Variants in UBOX5 observed in about 807,000 individuals in gnomAD.
UBOX5 encodes U-box domain containing 5, also known as RING finger protein 37.
UBOX5 carries 28 observed loss-of-function variants against 39.0 expected under a neutral mutation model. The observed-to-expected ratio is 0.72, with a 90% CI of 0.53 to 0.98. UBOX5 has a LOEUF of 0.98. Among genes scored for constraint, UBOX5 ranks in the 50% least tolerant of loss-of-function variants. The pLI, the probability that UBOX5 is intolerant of heterozygous loss-of-function variation, is 0.00. For missense variants in UBOX5, 585 were observed against 674.4 expected (o/e 0.87, Z 1.47); for synonymous variants, 283 against 275.5 (o/e 1.03, Z -0.27).
In UBOX5 at chr20:3,121,366, C is replaced by T. The variant is rs780753090; in HGVS notation, c.1255+18G>A. 4 of 1,591,290 alleles carry T rather than the reference C, an allele frequency of 2.5e-6. No homozygotes were observed. Among genetic ancestry groups the T allele is most frequent in the Non-Finnish European group, 3.4e-6 (4 of 1,167,886 alleles). ...GGAGATGGATGAGCCTGGCTGCGGACACAGGATGCTGAATTACCTGTCGAG... is the reference window on the plus strand; with the variant it reads ...GGAGATGGATGAGCCTGGCTGCGGATACAGGATGCTGAATTACCTGTCGAG... On this transcript the variant is annotated intron_variant, in intron 3 of 4. Transcript: ENST00000217173.
intron 3 of UBOX5, among the ~76,000 whole-genome samples, chr20:3,117,236 A>T (rs1412563140): frequency 6.6e-6 from 1 of 152,042 alleles, no homozygotes; most frequent in Non-Finnish European, 1.5e-5. Context: ...AAAAAATTCT[A>T]AATTCTTTCT....
intron 1 of UBOX5, among the ~76,000 whole-genome samples, chr20:3,153,272 T>G (rs1213208728): frequency 6.6e-6 from 1 of 152,234 alleles, no homozygotes; most frequent in Non-Finnish European, 1.5e-5. Context: ...TGTTTTGAAT[T>G]CATGTGACAC....
chr20:3,149,007 A>C lies in UBOX5; in HGVS notation c.-42+10759T>G. 2 of 1,613,944 alleles carry C rather than the reference A, an allele frequency of 1.2e-6. No homozygotes were observed. Among genetic ancestry groups the C allele is most frequent in the Non-Finnish European group, 1.7e-6 (2 of 1,179,962 alleles). Reference sequence around the variant, plus strand: ...TATGACACACTTCGGACTGCACCAAAGGCAGAAGGACTGCAAAATGCTCGG... The same window carrying C: ...TATGACACACTTCGGACTGCACCAACGGCAGAAGGACTGCAAAATGCTCGG... On this transcript the variant is annotated intron_variant, in intron 1 of 4. Transcript: ENST00000217173. The surrounding 1 kb of genome is among the most constrained non-coding windows in gnomAD (Gnocchi z 4.1).
At chr20:3,118,394 A>G (rs306754) in intron 3 of UBOX5, among the ~76,000 whole-genome samples, 110,131 of 151,748 alleles carry the variant, frequency 0.73, 41,306 homozygotes, top group East Asian at 0.97. Flanking sequence ...AATTGCTTAG[A>G]CCAGGAGGCA....
intron 1 of UBOX5, among the ~76,000 whole-genome samples, chr20:3,150,227 T>C (rs1479059971): frequency 1.3e-5 from 2 of 152,072 alleles, no homozygotes; most frequent in African/African-American, 2.4e-5. Flanking sequence ...TTAGAAAGTA[T>C]ACTAAAAAAC....
intron 1 of UBOX5, among the ~76,000 whole-genome samples, chr20:3,156,160 T>G (rs2066682151): frequency 6.6e-6 from 1 of 151,072 alleles, no homozygotes; most frequent in African/African-American, 2.4e-5. Context: ...GCTCAGTCAA[T>G]TAACTTCTGA....
intron 3 of UBOX5, 71 bp from the exon 4 acceptor site, chr20:3,115,537 G>C: frequency 6.7e-7 from 1 of 1,485,942 alleles, no homozygotes; most frequent in Non-Finnish European, 9.0e-7. Context: ...CAAGTCCTTC[G>C]AGGGCTGTAA....
chr20:3,147,970 G>GT (rs767722691), intron 1 of UBOX5: 1 of 1,614,186 alleles, frequency 6.2e-7, no homozygotes, highest in Non-Finnish European at 8.5e-7. Context: ...TGTGATCCAC[G>GT]TGAGTGAAAC....
intron 4 of UBOX5, among the ~76,000 whole-genome samples, chr20:3,113,512 C>T (rs980981702): frequency 6.6e-6 from 1 of 151,990 alleles, no homozygotes; most frequent in African/African-American, 2.4e-5. Flanking sequence ...TATGATGAGC[C>T]ACAGTAAGGC....
At chr20:3,145,707 A>G (rs1600405529) in intron 1 of UBOX5, among the ~76,000 whole-genome samples, 1 of 152,156 alleles carries the variant, frequency 6.6e-6, no homozygotes, top group Non-Finnish European at 1.5e-5. Context: ...AAAGGCTGAG[A>G]TAACAGGCAT....
At chr20:3,147,428 AAATACCACAGC>A (rs762533475) in intron 1 of UBOX5, 2 of 1,614,234 alleles carry the variant, frequency 1.2e-6, no homozygotes, top group South Asian at 2.2e-5. Context: ...CTTCTCTGCT[AAATACCACAGC>A]AATTCAGACC....
At chr20:3,118,922 C>G (rs1180556519) in intron 3 of UBOX5, among the ~76,000 whole-genome samples, 4 of 151,808 alleles carry the variant, frequency 2.6e-5, no homozygotes, top group African/African-American at 9.7e-5. Flanking sequence ...CTGAGTGACA[C>G]AGTGAGACTC....
chr20:3,138,668 A>G (rs978810289), intron 1 of UBOX5, among the ~76,000 whole-genome samples: 7 of 152,170 alleles, frequency 4.6e-5, no homozygotes, highest in Admixed American at 6.5e-5. Flanking sequence ...ACCTGGGCAA[A>G]CTTGGAAGAG....
At position 3,134,880 on chromosome 20, in the gene UBOX5, T is replaced by A. The variant is rs952990360; in HGVS notation, c.-41-11474A>T. On this transcript the variant is annotated intron_variant, in intron 1 of 4. Coordinates refer to ENST00000217173, the MANE Select transcript of UBOX5 (RefSeq NM_014948.4). ...AACTCCGTCTCAAAAAAAAAAAAAA[T>A]TTATATACATAATATAAAGGTAACA... Among the ~76,000 whole-genome samples the A allele has an allele frequency of 1.1e-4, 16 of 151,468 alleles. No homozygotes were observed. In the East Asian group the frequency reaches 1.4e-3, roughly 13 times the overall value.
chr20:3,159,864 G>GC lies in UBOX5; in HGVS notation c.-141dup, dbSNP rs2122143969. 6.6e-6 allele frequency: 1 copy of GC among 152,432 alleles called. No individual in the cohort carries two copies. Among genetic ancestry groups the GC allele is most frequent in the East Asian group, 1.9e-4 (1 of 5,192 alleles). 9.4% of individuals were successfully genotyped at this position (152,432 alleles called of 1,614,324 possible). A position where few individuals can be genotyped will look rare whatever the true frequency, so the allele number is the denominator to read the frequency against. ...TCCTCCGGCGACTCCGAGCCTCACA[G>GC]CCCCACTTCCGGCCAACTGCCCGCT... On this transcript the variant is annotated 5_prime_UTR_variant, in exon 1 of 5. Coordinates refer to ENST00000217173, the MANE Select transcript of UBOX5 (RefSeq NM_014948.4).
rs547783026 is a variant in UBOX5, at chr20:3,143,808, A to T, written c.-42+15958T>A. Among the ~76,000 whole-genome samples, 4 of 152,194 alleles carry T rather than the reference A, an allele frequency of 2.6e-5. No individual in the cohort carries two copies. In the South Asian group the frequency reaches 8.3e-4, roughly 32 times the overall value. On this transcript the variant is annotated intron_variant, in intron 1 of 4. Coordinates refer to ENST00000217173, the MANE Select transcript of UBOX5 (RefSeq NM_014948.4). ...CTCCGTCTCAAAAAAACAAAAAAAAAATTAGCCAGTTATGGTGGCATGCAC... is the reference window on the plus strand; with the variant it reads ...CTCCGTCTCAAAAAAACAAAAAAAATATTAGCCAGTTATGGTGGCATGCAC...
chr20:3,115,726 G>A (rs926489949), intron 3 of UBOX5, among the ~76,000 whole-genome samples: 10 of 149,670 alleles, frequency 6.7e-5, no homozygotes, highest in Non-Finnish European at 1.3e-4. Flanking sequence ...GAGCCACCTC[G>A]TGGCTCAACT....
Position 3,122,557 on chromosome 20 carries a change from T to A in UBOX5, c.82A>T (p.Asn28Tyr). Residue 28 changes from asparagine (N) to tyrosine (Y), a missense_variant, in exon 3 of 5, where the codon AAT becomes TAT. Asn to Tyr is a moderately radical substitution (Grantham distance 143, BLOSUM62 -2). Transcript: ENST00000217173. ...TTTGTGAGATCTTCAGAGATGAGAT[T>A]TTCTACTTCGTAACCATCAGCTGAT... ...KISADGYEVE[N>Y]LISEDLTKRS... 6.3e-7 allele frequency: 1 copy of A among 1,596,026 alleles called. No homozygotes were observed.
intron 4 of UBOX5, chr20:3,110,767 A>G (rs113293584): frequency 0.064 from 12,582 of 197,782 alleles, 521 homozygotes; most frequent in Non-Finnish European, 0.09. Context: ...GGAGGTTGAG[A>G]CAGGAGGATC....
Sources: allele counts gnomAD v4.1 joint callset (sites outside exome capture counted in the v4.1 genomes callset), GRCh38; gene constraint gnomAD v4.1.1; non-coding constraint Gnocchi (gnomAD v3.1); transcripts MANE v1.5; gene names NCBI Gene and HGNC (gene_info 2026-07-23, HGNC 2026-07-21).